Variants in TECRL observed in about 807,000 individuals in gnomAD.
The protein encoded by TECRL is trans-2,3-enoyl-CoA reductase-like.
A neutral mutation model predicts 52.8 loss-of-function variants in TECRL; 63 were observed. The observed-to-expected ratio is 1.19, with a 90% confidence interval of 0.97 to 1.47. The LOEUF (loss-of-function observed/expected upper bound fraction) is 1.47. Ranked by LOEUF, TECRL falls within the 40% of genes most tolerant of loss-of-function variation. The pLI is 0.00. For synonymous variants in TECRL, 164 were observed against 141.9 expected (o/e 1.16, Z -1.10); for missense variants, 482 against 429.6 (o/e 1.12, Z -1.08).
chr4:64,401,704 C>T (rs1240527686), intron 1 of TECRL, among the ~76,000 whole-genome samples: 2 of 152,172 alleles, frequency 1.3e-5, no homozygotes, highest in African/African-American at 4.8e-5. Flanking sequence ...GCAGGCATAG[C>T]TCTCTCAAAT....
At chr4:64,399,792 GA>G in intron 1 of TECRL, among the ~76,000 whole-genome samples, 1 of 152,154 alleles carries the variant, frequency 6.6e-6, no homozygotes, top group Non-Finnish European at 1.5e-5. Context: ...GCGGATATAT[GA>G]AAAAGCCTGG....
chr4:64,316,757 A>T (rs1717523247), intron 4 of TECRL, among the ~76,000 whole-genome samples: 1 of 152,236 alleles, frequency 6.6e-6, no homozygotes, highest in South Asian at 2.1e-4. Flanking sequence ...TATATTCTAA[A>T]GAGGCAGATA....
intron 8 of TECRL, 46 bp from the exon 9 acceptor site, chr4:64,289,813 T>C (rs1723279479): frequency 7.8e-7 from 1 of 1,287,060 alleles, no homozygotes; most frequent in South Asian, 1.6e-5. Flanking sequence ...CCTCTGCCTA[T>C]TTTTTAAAAA....
At position 64,314,747 on chromosome 4, in the gene TECRL, T is replaced by C. The variant is rs757058081; in HGVS notation, c.452A>G (p.Tyr151Cys). Residue 151 changes from tyrosine to cysteine, a missense_variant, in exon 5 of 12, where the codon TAC becomes TGC. Coordinates refer to ENST00000381210, the MANE Select transcript of TECRL (RefSeq NM_001010874.5). ...VSWTTVFLAEYTGPLLIYLLF... is the reference protein window; with the variant it reads ...VSWTTVFLAECTGPLLIYLLF... ...GAGGTATATTAGCAGAGGTCCTGTG[T>C]ATTCAGCCAAAAACACCTGAAAATA... 30 of 1,612,280 alleles carry C rather than the reference T, an allele frequency of 1.9e-5. No homozygotes were observed. The highest frequency in any genetic ancestry group is 2.5e-5 in the Non-Finnish European group (29 of 1,178,544).
At chr4:64,299,850 T>C in intron 8 of TECRL, 124 bp downstream of exon 8, 1 of 348,612 alleles carries the variant, frequency 2.9e-6, no homozygotes, top group Non-Finnish European at 5.1e-6. Flanking sequence ...TCATTTTATA[T>C]CATTATGTAT....
chr4:64,301,466 C>T lies in TECRL; in HGVS notation c.731-1449G>A, dbSNP rs112929383. Reference sequence around the variant, plus strand: ...CATTCAACTATAGTTATCAAGAATTCGCATGACAGGCACTGAACTTTGCGC... The same window carrying T: ...CATTCAACTATAGTTATCAAGAATTTGCATGACAGGCACTGAACTTTGCGC... On this transcript the variant is annotated intron_variant, in intron 7 of 11. Transcript: ENST00000381210. Among the ~76,000 whole-genome samples the T allele has an allele frequency of 8.4e-3, 1,268 of 151,160 alleles. 16 individuals carry two copies. Among genetic ancestry groups the T allele is most frequent in the African/African-American group, 0.029 (1,188 of 41,446 alleles).
At position 64,280,212 on chromosome 4, in the gene TECRL, A is replaced by T. The variant is rs1167891192; in HGVS notation, c.965-13T>A. ...GTAAAAATTCCAACTAGAAGAAAAA[A>T]GAAATAATTATTATTTCTTTCTTAT... On this transcript the variant is annotated splice_polypyrimidine_tract_variant and intron_variant, in intron 11 of 11. Transcript: ENST00000381210. 6.8e-7 allele frequency: 1 copy of T among 1,473,970 alleles called. No individual in the cohort carries two copies. Among genetic ancestry groups the T allele is most frequent in the Admixed American group, 2.5e-5 (1 of 40,804 alleles). The allele number at this position is 1,473,970 out of a possible 1,614,324, so 91.3% of individuals were successfully genotyped here.
At chr4:64,284,090 G>T (rs79990038) in intron 9 of TECRL, among the ~76,000 whole-genome samples, 2 of 152,000 alleles carry the variant, frequency 1.3e-5, no homozygotes, top group Admixed American at 6.6e-5. Flanking sequence ...GAATCTGAGG[G>T]TGTTTGAAAA....
chr4:64,398,820 A>G (rs1025987144), intron 1 of TECRL, among the ~76,000 whole-genome samples: 1 of 152,138 alleles, frequency 6.6e-6, no homozygotes, highest in Admixed American at 6.5e-5. Flanking sequence ...TTAAAGACTG[A>G]TTAAATGATT....
intron 2 of TECRL, among the ~76,000 whole-genome samples, chr4:64,329,985 A>AT (rs1718523638): frequency 6.6e-6 from 1 of 151,654 alleles, no homozygotes; most frequent in Non-Finnish European, 1.5e-5. Context: ...TTACTGTACT[A>AT]TTTACTGTAC....
chr4:64,392,479 T>C (rs774955037), intron 1 of TECRL, among the ~76,000 whole-genome samples: 3 of 151,886 alleles, frequency 2.0e-5, no homozygotes, highest in Non-Finnish European at 4.4e-5. Context: ...TGATATAAGA[T>C]ATGCCTATTT....
intron 1 of TECRL, among the ~76,000 whole-genome samples, chr4:64,398,380 G>A (rs919040225): frequency 5.9e-5 from 9 of 152,266 alleles, no homozygotes; most frequent in South Asian, 2.1e-4. Context: ...CAGATTTCTC[G>A]TGAATGATTT....
intron 1 of TECRL, among the ~76,000 whole-genome samples, chr4:64,385,239 C>G (rs1723093207): frequency 6.6e-6 from 1 of 152,132 alleles, no homozygotes; most frequent in African/African-American, 2.4e-5. Flanking sequence ...AGCTCCTGAA[C>G]AGCATGTTTG....
chr4:64,337,092 A>G (rs959952084), intron 2 of TECRL, among the ~76,000 whole-genome samples: 3 of 152,080 alleles, frequency 2.0e-5, no homozygotes, highest in Non-Finnish European at 2.9e-5. Flanking sequence ...TGATCTGTCT[A>G]ATGTTGACAG....
intron 7 of TECRL, among the ~76,000 whole-genome samples, chr4:64,300,406 T>C (rs1017978714): frequency 1.3e-5 from 2 of 150,900 alleles, no homozygotes; most frequent in African/African-American, 4.8e-5. Flanking sequence ...AGTCATTTGT[T>C]TTCTACATTG....
intron 7 of TECRL, among the ~76,000 whole-genome samples, chr4:64,301,901 G>A (rs1449761688): frequency 6.6e-6 from 1 of 151,096 alleles, no homozygotes; most frequent in East Asian, 1.9e-4. Context: ...GTAGTGCGAA[G>A]AGAAAAAACT....
At chr4:64,403,608 T>C (rs1425092518) in intron 1 of TECRL, among the ~76,000 whole-genome samples, 1 of 152,022 alleles carries the variant, frequency 6.6e-6, no homozygotes, top group African/African-American at 2.4e-5. Context: ...AAAGCCTTCC[T>C]GTTCCATAAA....
chr4:64,312,577 C>T (rs1412826720), intron 5 of TECRL, among the ~76,000 whole-genome samples: 1 of 151,948 alleles, frequency 6.6e-6, no homozygotes. Flanking sequence ...GCCTGGGCAA[C>T]ATAATGAGAC....
chr4:64,300,149 C>A (rs2109974011), intron 7 of TECRL, 132 bp from the exon 8 acceptor site: 1 of 518,628 alleles, frequency 1.9e-6, no homozygotes, highest in Non-Finnish European at 3.2e-6. Context: ...TGTAATTCAC[C>A]TTTTGGGATG....
Sources: allele counts gnomAD v4.1 joint callset (sites outside exome capture counted in the v4.1 genomes callset), GRCh38; gene constraint gnomAD v4.1.1; transcripts MANE v1.5; gene names NCBI Gene and HGNC (gene_info 2026-07-23, HGNC 2026-07-21).